MOK: variants seen among roughly 807,000 people sequenced by gnomAD.
The protein encoded by MOK is MAPK/MAK/MRK overlapping kinase.
A neutral mutation model predicts 54.2 loss-of-function variants in MOK; 59 were observed. The observed-to-expected ratio is 1.09, with a 90% CI of 0.88 to 1.35. MOK has a LOEUF of 1.35. MOK is among the 40% of genes most tolerant of loss of function. The pLI, the probability that MOK is intolerant of heterozygous loss-of-function variation, is 0.00. For missense variants in MOK, 517 were observed against 526.2 expected (o/e 0.98, Z 0.17); for synonymous variants, 210 against 202.7 (o/e 1.04, Z -0.31).
At chr14:102,224,725 C>T (rs1380868981), downstream of MOK, 3 of 455,924 alleles carry the variant, frequency 6.6e-6, no homozygotes, top group East Asian at 6.9e-5. Context: ...CTTGAGTTCT[C>T]AGCCTGCCCC....
At position 102,231,825 on chromosome 14, in the gene MOK, C is replaced by T. The variant is rs770029579; in HGVS notation, c.867-4G>A. On this transcript the variant is annotated splice_polypyrimidine_tract_variant and splice_region_variant and intron_variant, in intron 9 of 11. Transcript: ENST00000361847. The surrounding 1 kb of genome is among the most constrained non-coding windows in gnomAD (Gnocchi z 4.4). The stretch of plus-strand genomic sequence containing the variant: ...CAGAGCCCGCTTCTCTGTTTTCCTA[C>T]GGGGAAGGAGAAGAGAATGGAGCAG... 3.4e-5 allele frequency: 54 copies of T among 1,610,152 alleles called. No individual in the cohort carries two copies. The highest frequency in any genetic ancestry group is 1.8e-4 in the Middle Eastern group (1 of 5,626).
At chr14:102,224,364 T>C (rs1268572141), downstream of MOK, 8 of 351,154 alleles carry the variant, frequency 2.3e-5, no homozygotes, top group East Asian at 1.5e-4. Context: ...TCTTACTTGG[T>C]TGAAACCAGC....
chr14:102,293,701 C>CAAAAAAAAAAAAAAAAA (rs10598736), intron 1 of MOK, among the ~76,000 whole-genome samples: 2 of 54,598 alleles, frequency 3.7e-5, no homozygotes, highest in African/African-American at 5.8e-5. Flanking sequence ...AACTCCATCA[C>CAAAAAAAAAAAAAAAAA]AAAAAAAAAA....
In MOK at chr14:102,248,502, G is replaced by A. The variant is rs570379454; in HGVS notation, c.590+2310C>T. On this transcript the variant is annotated intron_variant, in intron 7 of 11. Coordinates refer to ENST00000361847, the MANE Select transcript of MOK (RefSeq NM_014226.3). The stretch of plus-strand genomic sequence containing the variant: ...ACCAGCAAACAACCCTGGGATGGCC[G>A]GGGCAGTGGCTCACGCCTGTGATCC... Among the ~76,000 whole-genome samples the A allele has an allele frequency of 7.9e-5, 12 of 152,248 alleles. No homozygotes were observed. The East Asian group carries it at 1.5e-3, about 20-fold the overall frequency.
At chr14:102,226,983 G>A (rs1394659927), downstream of MOK, among the ~76,000 whole-genome samples, 1 of 152,100 alleles carries the variant, frequency 6.6e-6, no homozygotes, top group Admixed American at 6.5e-5. This position sits in a 1 kb window ranked among gnomAD's most constrained non-coding sequence, Gnocchi z 4.8. Context: ...GCCTCAAGTG[G>A]TGGACCTTGG....
At chr14:102,288,598 G>A (rs2070400526) in intron 1 of MOK, among the ~76,000 whole-genome samples, 1 of 152,154 alleles carries the variant, frequency 6.6e-6, no homozygotes, top group African/African-American at 2.4e-5. Flanking sequence ...TGGGGATGAT[G>A]AAAATATTTT....
intron 1 of MOK, among the ~76,000 whole-genome samples, chr14:102,287,961 A>G (rs1483073473): frequency 6.6e-6 from 1 of 151,216 alleles, no homozygotes; most frequent in Non-Finnish European, 1.5e-5. Flanking sequence ...CAGCCTCCCG[A>G]GTAGCTGGGA....
Position 102,263,408 on chromosome 14 carries a change from G to C in MOK, c.283+138C>G, listed in dbSNP as rs2067635086. 2.3e-5 allele frequency: 11 copies of C among 482,766 alleles called. No homozygotes were observed. The East Asian group carries it at 4.0e-4, about 17-fold the overall frequency. 29.9% of individuals were successfully genotyped at this position (482,766 alleles called of 1,614,324 possible). A position where few individuals can be genotyped will look rare whatever the true frequency, so the allele number is the denominator to read the frequency against. On this transcript the variant is annotated intron_variant, in intron 4 of 11. Coordinates refer to ENST00000361847, the MANE Select transcript of MOK (RefSeq NM_014226.3). Reference sequence around the variant, plus strand: ...AGCAGTCAGAAAAATGCCTCCTGGTGAATGAAGTGACCCTGTACTGTGTAT... The same window carrying C: ...AGCAGTCAGAAAAATGCCTCCTGGTCAATGAAGTGACCCTGTACTGTGTAT...
chr14:102,243,380 G>A (rs2065860977), intron 7 of MOK, among the ~76,000 whole-genome samples: 1 of 152,154 alleles, frequency 6.6e-6, no homozygotes, highest in Non-Finnish European at 1.5e-5. Flanking sequence ...GGGCTGTGCA[G>A]TTGAAATTCT....
chr14:102,287,369 C>T (rs1263423732), intron 1 of MOK, among the ~76,000 whole-genome samples: 6 of 151,976 alleles, frequency 3.9e-5, no homozygotes, highest in East Asian at 1.9e-4. Context: ...TTTGGGAGGC[C>T]GAGACGGGCA....
chr14:102,296,622 T>C (rs1756634839), intron 1 of MOK, among the ~76,000 whole-genome samples: 1 of 152,146 alleles, frequency 6.6e-6, no homozygotes, highest in Non-Finnish European at 1.5e-5. Flanking sequence ...TGCTAGATAA[T>C]GCATCTACTT....
At position 102,305,112 on chromosome 14, in the gene MOK, A is replaced by T. The variant is rs924058188; in HGVS notation, c.-144T>A. On this transcript the variant is annotated 5_prime_UTR_variant, in exon 1 of 12. Transcript: ENST00000361847. ...TGGTGGTCCCTCGAAGGAGAGCGTT[A>T]GAGATCCCGCCGCCATGTTGTGTCC... 2 of 970,176 alleles carry T rather than the reference A, an allele frequency of 2.1e-6. No individual in the cohort carries two copies. Among genetic ancestry groups the T allele is most frequent in the South Asian group, 1.4e-5 (1 of 69,382 alleles). The allele number at this position is 970,176 out of a possible 1,614,324, so 60.1% of individuals were successfully genotyped here.
intron 7 of MOK, among the ~76,000 whole-genome samples, chr14:102,244,381 A>C (rs879528578): frequency 1.3e-5 from 2 of 152,198 alleles, no homozygotes; most frequent in Non-Finnish European, 2.9e-5. Context: ...CCAGCCTCAC[A>C]GGCCCATTCT....
intron 2 of MOK, among the ~76,000 whole-genome samples, chr14:102,266,272 A>G (rs2067896661): frequency 6.6e-6 from 1 of 152,134 alleles, no homozygotes; most frequent in East Asian, 1.9e-4. Context: ...TCTGAAAATG[A>G]GCATTTCAAA....
At chr14:102,255,249 C>T (rs1011041574) in intron 4 of MOK, among the ~76,000 whole-genome samples, 2 of 152,058 alleles carry the variant, frequency 1.3e-5, no homozygotes, top group African/African-American at 4.8e-5. Flanking sequence ...ACCTGGGAGG[C>T]GGAGCTTGCA....
chr14:102,286,116 G>A (rs1366512160), intron 1 of MOK, among the ~76,000 whole-genome samples: 12 of 148,262 alleles, frequency 8.1e-5, no homozygotes, highest in Admixed American at 3.4e-4. Context: ...TGGCTAACAC[G>A]GTGAAACCCC....
chr14:102,273,589 C>T (rs2068581609), intron 2 of MOK, among the ~76,000 whole-genome samples: 2 of 152,062 alleles, frequency 1.3e-5, no homozygotes, highest in South Asian at 4.1e-4. Context: ...ACCAGCCTGG[C>T]CAACATGACA....
chr14:102,296,822 G>A (rs2071470609), intron 1 of MOK, among the ~76,000 whole-genome samples: 1 of 152,142 alleles, frequency 6.6e-6, no homozygotes, highest in Non-Finnish European at 1.5e-5. Flanking sequence ...CACTTTGGGA[G>A]GCTGAGGCAG....
intron 4 of MOK, among the ~76,000 whole-genome samples, chr14:102,263,173 T>C (rs2067613324): frequency 6.6e-6 from 1 of 152,226 alleles, no homozygotes; most frequent in Non-Finnish European, 1.5e-5. Flanking sequence ...TTAAGAGGCA[T>C]GGAACAGAAT....
Sources: gnomAD v4.1 joint callset for allele counts (sites outside exome capture counted in the v4.1 genomes callset) on GRCh38, gnomAD v4.1.1 for gene constraint, Gnocchi (gnomAD v3.1) non-coding constraint, MANE v1.5 for transcripts, NCBI Gene and HGNC (gene_info 2026-07-23, HGNC 2026-07-21) for gene names.